PPP2R5B: variants seen among roughly 807,000 people sequenced by gnomAD.
The protein encoded by PPP2R5B is protein phosphatase 2 regulatory subunit B'beta.
In PPP2R5B, 19 loss-of-function variants were observed where a neutral mutation model predicts 59.9. The observed-to-expected ratio is 0.32, with a 90% confidence interval of 0.22 to 0.47. The LOEUF (loss-of-function observed/expected upper bound fraction) is 0.47. PPP2R5B is among the 20% of genes least tolerant of loss of function. PPP2R5B has a pLI of 1.00. For missense variants in PPP2R5B, 441 were observed against 640.2 expected (o/e 0.69, Z 3.36); for synonymous variants, 286 against 260.5 (o/e 1.10, Z -0.94).
In PPP2R5B at chr11:64,931,204, T is replaced by G. The variant is rs1372422396; in HGVS notation, c.892-232T>G. ...CATATTATGGAACCTTTTGCAAAAT[T>G]TATAAAGATGAGTTTGTTGACTGTC... On this transcript the variant is annotated intron_variant, in intron 8 of 13. Coordinates refer to ENST00000164133, the MANE Select transcript of PPP2R5B (RefSeq NM_006244.4). This position sits in a 1 kb window ranked among gnomAD's most constrained non-coding sequence, Gnocchi z 5.0. Among the ~76,000 whole-genome samples the G allele has an allele frequency of 6.6e-6, 1 of 152,106 alleles. No homozygotes were observed. Among genetic ancestry groups the G allele is most frequent in the Non-Finnish European group, 1.5e-5 (1 of 68,024 alleles).
At chr11:64,921,160 G>A (rs1486597789), upstream of PPP2R5B, among the ~76,000 whole-genome samples, 1 of 151,402 alleles carries the variant, frequency 6.6e-6, no homozygotes, top group Non-Finnish European at 1.5e-5. Flanking sequence ...TTCACTATGT[G>A]GCCCAGGCTG....
At position 64,928,283 on chromosome 11, in the gene PPP2R5B, TG is replaced by T; in HGVS notation, c.592-10del. 1 of 1,613,510 alleles carries T rather than the reference TG, an allele frequency of 6.2e-7. No homozygotes were observed. Among genetic ancestry groups the T allele is most frequent in the Non-Finnish European group, 8.5e-7 (1 of 1,179,684 alleles). On this transcript the variant is annotated splice_polypyrimidine_tract_variant and intron_variant, in intron 5 of 13. Coordinates refer to ENST00000164133, the MANE Select transcript of PPP2R5B (RefSeq NM_006244.4). ...CTGACCCTGACCCTGACCCTGACTC[TG>T]GTTCCCACAGCTCCTGGAGCTATTT... is the stretch of plus-strand genomic sequence containing the variant.
chr11:64,928,543 G>A, intron 6 of PPP2R5B, 118 bp downstream of exon 6: 7 of 1,456,536 alleles, frequency 4.8e-6, no homozygotes, highest in East Asian at 4.8e-5. Flanking sequence ...TTGGGAGGCC[G>A]AGGTGGGTGG....
rs761027924 is a variant in PPP2R5B at position 64,933,776 on chromosome 11, C to G, written c.1426C>G (p.Gln476Glu). 1 of 1,554,766 alleles carries G rather than the reference C, an allele frequency of 6.4e-7. No homozygotes were observed. The highest frequency in any genetic ancestry group is 1.2e-5 in the South Asian group (1 of 84,302). The part of the protein sequence containing the change: ...ELRLRRLQGT[Q>E]GAKEAPLQRL... ...GCGGCTACGCCGGCTACAGGGGACC[C>G]AGGGGGCCAAGGAGGCCCCCCTCCA... The change falls in exon 14 of 14, where the codon CAG (glutamine) becomes GAG (glutamate). Residue 476 changes from glutamine (Q) to glutamate (E), a missense_variant. Physicochemically the swap from Gln to Glu is conservative, Grantham distance 29 (BLOSUM62 2). This residue lies in a region of PPP2R5B where 70 missense variants were observed against 64.2 expected (regional missense o/e 1.09). Transcript: ENST00000164133.
intron 6 of PPP2R5B, 107 bp downstream of exon 6, chr11:64,928,532 T>C: frequency 1.3e-6 from 2 of 1,523,184 alleles, no homozygotes; most frequent in Middle Eastern, 1.8e-4. Context: ...ATCCCAGCAC[T>C]TTGGGAGGCC....
chr11:64,933,439 T>C (rs568204634), intron 13 of PPP2R5B, among the ~76,000 whole-genome samples, 193 bp downstream of exon 13: 1 of 152,296 alleles, frequency 6.6e-6, no homozygotes, highest in Non-Finnish European at 1.5e-5. Context: ...AGCTCAGACT[T>C]GTTCTGACTC....
At chr11:64,920,234 A>G (rs1231099807), upstream of PPP2R5B, among the ~76,000 whole-genome samples, 1 of 152,138 alleles carries the variant, frequency 6.6e-6, no homozygotes, top group Non-Finnish European at 1.5e-5. Context: ...CCCTGGAGCC[A>G]CTCTGGGAGT....
intron 6 of PPP2R5B, among the ~76,000 whole-genome samples, chr11:64,929,707 C>A (rs958853129): frequency 6.6e-6 from 1 of 152,176 alleles, no homozygotes; most frequent in African/African-American, 2.4e-5. Context: ...GCCTGGGCGA[C>A]AGAGCGAGAT....
rs780650472 is a variant in PPP2R5B, at chr11:64,931,600, C to T, written c.987C>T (p.Thr329=). Residue 329 remains threonine (T), a synonymous_variant, in exon 10 of 14, where the codon ACC becomes ACT. Coordinates refer to ENST00000164133, the MANE Select transcript of PPP2R5B (RefSeq NM_006244.4). The surrounding 1 kb of genome is among the most constrained non-coding windows in gnomAD (Gnocchi z 5.0). ...GLLKYWPKTC[T]QKEVMFLGEM... ...TCAAATACTGGCCAAAAACCTGCACCCAGAAGGAGGTATGAAGAAGGGCTT... is the reference window on the plus strand; with the variant it reads ...TCAAATACTGGCCAAAAACCTGCACTCAGAAGGAGGTATGAAGAAGGGCTT... 2.5e-6 allele frequency: 4 copies of T among 1,613,794 alleles called. No homozygotes were observed. In the African/African-American group the frequency reaches 5.3e-5, roughly 22 times the overall value.
At position 64,932,757 on chromosome 11, in the gene PPP2R5B, T is replaced by C; in HGVS notation, c.1117-8T>C. 1 of 1,613,294 alleles carries C rather than the reference T, an allele frequency of 6.2e-7. No individual in the cohort carries two copies. The highest frequency in any genetic ancestry group is 8.5e-7 in the Non-Finnish European group (1 of 1,179,532). On this transcript the variant is annotated splice_region_variant and splice_polypyrimidine_tract_variant and intron_variant, in intron 11 of 13. Coordinates refer to ENST00000164133, the MANE Select transcript of PPP2R5B (RefSeq NM_006244.4). ...CAGTTAATCACTCTGCCATCTTGTC[T>C]GCCCCAGGTTGCAGAGCGGGCTCTG...
chr11:64,926,604 C>A, intron 2 of PPP2R5B, 108 bp from the exon 3 acceptor site: 1 of 1,209,466 alleles, frequency 8.3e-7, no homozygotes, highest in Non-Finnish European at 1.2e-6. Context: ...GAGCATGGGG[C>A]CTGGGGGCAG....
intron 1 of PPP2R5B, chr11:64,918,318 T>C (rs1392777117): frequency 6.6e-6 from 1 of 152,228 alleles, no homozygotes; most frequent in East Asian, 1.9e-4. Context: ...CAAAACCTCT[T>C]ACATCATGGG....
At position 64,933,947 on chromosome 11, in the gene PPP2R5B, C is replaced by A; in HGVS notation, c.*103C>A. Reference sequence around the variant, plus strand: ...AGAAACACACCTACCCCTGGCCTTGCCAGAGTGGCTTCTGAGGACTCCCTG... The same window carrying A: ...AGAAACACACCTACCCCTGGCCTTGACAGAGTGGCTTCTGAGGACTCCCTG... On this transcript the variant is annotated 3_prime_UTR_variant, in exon 14 of 14. Coordinates refer to ENST00000164133, the MANE Select transcript of PPP2R5B (RefSeq NM_006244.4). 7.4e-7 allele frequency: 1 copy of A among 1,344,180 alleles called. No homozygotes were observed. Among genetic ancestry groups the A allele is most frequent in the Non-Finnish European group, 9.7e-7 (1 of 1,028,706 alleles). 83.3% of individuals were successfully genotyped at this position (1,344,180 alleles called of 1,614,324 possible).
At chr11:64,923,821 G>T (rs2136675478), upstream of PPP2R5B, among the ~76,000 whole-genome samples, 1 of 152,292 alleles carries the variant, frequency 6.6e-6, no homozygotes, top group African/African-American at 2.4e-5. Context: ...TAGCGGGATG[G>T]AGTTCAGGGC....
At chr11:64,927,655 C>T (rs1466072387) in intron 3 of PPP2R5B, 147 bp from the exon 4 acceptor site, 13 of 641,298 alleles carry the variant, frequency 2.0e-5, no homozygotes, top group South Asian at 1.2e-4. Context: ...TGCAGTGAGT[C>T]GAGATTGTAC....
chr11:64,934,321 T>C lies in PPP2R5B; in HGVS notation c.*477T>C. ...ACTCCTCCCTTCCCTCGCTGTGTAC[T>C]TCCTTGTCCCCTTTTTATTTATTGG... On this transcript the variant is annotated 3_prime_UTR_variant, in exon 14 of 14. Coordinates refer to ENST00000164133, the MANE Select transcript of PPP2R5B (RefSeq NM_006244.4). 3.8e-6 allele frequency: 1 copy of C among 264,438 alleles called. No homozygotes were observed. Among genetic ancestry groups the C allele is most frequent in the Non-Finnish European group, 7.3e-6 (1 of 137,862 alleles). 16.4% of individuals were successfully genotyped at this position (264,438 alleles called of 1,614,324 possible).
chr11:64,929,036 G>A (rs1945201556), intron 6 of PPP2R5B, among the ~76,000 whole-genome samples: 1 of 151,936 alleles, frequency 6.6e-6, no homozygotes, highest in African/African-American at 2.4e-5. Flanking sequence ...AGGGGCCCTT[G>A]TAGAACTTCT....
At chr11:64,926,936 G>C (rs1017652301) in intron 3 of PPP2R5B, 28 bp downstream of exon 3, 53 of 1,605,376 alleles carry the variant, frequency 3.3e-5, no homozygotes, top group Non-Finnish European at 4.4e-5. Flanking sequence ...AGGCTCCGAG[G>C]GCCGGCCGAG....
upstream of PPP2R5B, among the ~76,000 whole-genome samples, chr11:64,922,690 C>T (rs1162428925): frequency 2.0e-5 from 3 of 151,834 alleles, no homozygotes; most frequent in Non-Finnish European, 2.9e-5. Flanking sequence ...CTGGCTAACA[C>T]GGTGAAACCC....
Sources: gnomAD v4.1 joint callset for allele counts (sites outside exome capture counted in the v4.1 genomes callset) on GRCh38, gnomAD v4.1.1 for gene constraint, gnomAD v4.1.1 regional missense constraint, Gnocchi (gnomAD v3.1) non-coding constraint, MANE v1.5 for transcripts, NCBI Gene and HGNC (gene_info 2026-07-23, HGNC 2026-07-21) for gene names.